Variants in DNAJC10 observed in about 807,000 individuals in gnomAD.
The protein encoded by DNAJC10 is endoplasmic reticulum disulfide reductase DNAJC10.
A neutral mutation model predicts 115.0 loss-of-function variants in DNAJC10; 101 were observed. The observed-to-expected ratio is 0.88, with a 90% CI of 0.75 to 1.04. DNAJC10 has a LOEUF of 1.04. Ranked by LOEUF, DNAJC10 falls within the 50% of genes least tolerant of loss-of-function variation. DNAJC10 has a pLI of 0.00. For synonymous variants in DNAJC10, 307 were observed against 301.5 expected (o/e 1.02, Z -0.19); for missense variants, 981 against 928.8 (o/e 1.06, Z -0.73).
rs1362092621 is a variant in DNAJC10 at position 182,782,399 on chromosome 2, G to A, written c.*5267G>A. ...GCTTAGGATTGCCTTGGCTATATGG[G>A]CTCTTTTTTTTTTGGTTCCATATGA... On this transcript the variant is annotated 3_prime_UTR_variant, in exon 24 of 24. Transcript: ENST00000264065. 6.6e-6 allele frequency: 1 copy of A among 151,652 alleles called. No individual in the cohort carries two copies. The highest frequency in any genetic ancestry group is 1.5e-5 in the Non-Finnish European group (1 of 67,978). The allele number at this position is 151,652 out of a possible 1,614,324, so 9.4% of individuals were successfully genotyped here. A position where few individuals can be genotyped will look rare whatever the true frequency, so the allele number is the denominator to read the frequency against.
chr2:182,718,936 T>C (rs1693071968), intron 3 of DNAJC10, among the ~76,000 whole-genome samples: 2 of 152,188 alleles, frequency 1.3e-5, no homozygotes, highest in African/African-American at 4.8e-5. Context: ...GACATAGTTA[T>C]AATTTTCTCT....
chr2:182,745,697 T>A lies in DNAJC10; in HGVS notation c.1306+1985T>A, dbSNP rs181174897. Among the ~76,000 whole-genome samples the A allele has an allele frequency of 7.3e-3, 1,118 of 152,180 alleles. 6 individuals are homozygous for A. The highest frequency in any genetic ancestry group is 0.032 in the South Asian group (154 of 4,820). On this transcript the variant is annotated intron_variant, in intron 14 of 23. Coordinates refer to ENST00000264065, the MANE Select transcript of DNAJC10 (RefSeq NM_018981.4). ...AAGTAAACTAACAAATTTTTATTTT[T>A]TTTTTTTATGGACAAGTTTTTTTTT...
chr2:182,762,170 AAGAG>A (rs369640149), intron 21 of DNAJC10, among the ~76,000 whole-genome samples: 12 of 149,164 alleles, frequency 8.0e-5, no homozygotes, highest in South Asian at 6.3e-4. Context: ...AAAAAAAAAA[AAGAG>A]AGAGAGCGTG....
chr2:182,788,413 C>G lies in DNAJC10; in HGVS notation c.*11281C>G, dbSNP rs1354388548. The G allele has an allele frequency of 4.6e-6, 1 of 215,078 alleles. No homozygotes were observed. Among genetic ancestry groups the G allele is most frequent in the African/African-American group, 2.4e-5 (1 of 42,134 alleles). 13.3% of individuals were successfully genotyped at this position (215,078 alleles called of 1,614,324 possible). A position where few individuals can be genotyped will look rare whatever the true frequency, so the allele number is the denominator to read the frequency against. On this transcript the variant is annotated 3_prime_UTR_variant, in exon 24 of 24. Transcript: ENST00000264065. Reference sequence around the variant, plus strand: ...ACTTTGGTTACCTATGTACCTGTTACCACTTGCAGAAATCAACAGACAAGG... The same window carrying G: ...ACTTTGGTTACCTATGTACCTGTTAGCACTTGCAGAAATCAACAGACAAGG...
At chr2:182,748,479 A>G (rs1184358456) in intron 14 of DNAJC10, among the ~76,000 whole-genome samples, 1 of 152,208 alleles carries the variant, frequency 6.6e-6, no homozygotes, top group Non-Finnish European at 1.5e-5. Flanking sequence ...GAGTCGAGGA[A>G]CTTATCCATT....
chr2:182,768,005 GC>G (rs1431956051), intron 22 of DNAJC10, among the ~76,000 whole-genome samples: 1 of 152,010 alleles, frequency 6.6e-6, no homozygotes, highest in East Asian at 1.9e-4. Context: ...GTTGCCGTGT[GC>G]CCCCCACATT....
chr2:182,719,758 T>C (rs1457057446), intron 3 of DNAJC10, among the ~76,000 whole-genome samples: 1 of 151,520 alleles, frequency 6.6e-6, no homozygotes, highest in African/African-American at 2.4e-5. Context: ...ATAACGTCTG[T>C]CAACCTTTTG....
intron 21 of DNAJC10, among the ~76,000 whole-genome samples, chr2:182,760,000 G>A (rs1469153613): frequency 1.3e-5 from 2 of 152,058 alleles, no homozygotes; most frequent in Non-Finnish European, 2.9e-5. Flanking sequence ...TGCTGCCCTG[G>A]TGATCTTCTA....
At chr2:182,718,912 A>C (rs1019108643) in intron 3 of DNAJC10, among the ~76,000 whole-genome samples, 7 of 152,158 alleles carry the variant, frequency 4.6e-5, no homozygotes, top group African/African-American at 1.7e-4. Flanking sequence ...TTTAGCGTTC[A>C]TCATTAACAA....
chr2:182,791,098 AC>A lies in DNAJC10; in HGVS notation c.*13967del, dbSNP rs1168221748. 1 of 152,116 alleles carries A rather than the reference AC, an allele frequency of 6.6e-6. No individual in the cohort carries two copies. The highest frequency in any genetic ancestry group is 1.5e-5 in the Non-Finnish European group (1 of 68,022). 9.4% of individuals were successfully genotyped at this position (152,116 alleles called of 1,614,324 possible). A position where few individuals can be genotyped will look rare whatever the true frequency, so the allele number is the denominator to read the frequency against. On this transcript the variant is annotated 3_prime_UTR_variant, in exon 24 of 24. Coordinates refer to ENST00000264065, the MANE Select transcript of DNAJC10 (RefSeq NM_018981.4). ...ATAAATTTAGTGGATAAATACCCCC[AC>A]AGAGATCGACCCTGCATGAAATGTG...
chr2:182,790,874 T>C lies in DNAJC10; in HGVS notation c.*13742T>C, dbSNP rs1477752305. On this transcript the variant is annotated 3_prime_UTR_variant, in exon 24 of 24. Coordinates refer to ENST00000264065, the MANE Select transcript of DNAJC10 (RefSeq NM_018981.4). ...AACCTTACTTATCAGTTACATTGCC[T>C]ACTAAGCTGACTTATTTTCTGACTT... The C allele has an allele frequency of 6.6e-6, 1 of 152,138 alleles. No homozygotes were observed. Among genetic ancestry groups the C allele is most frequent in the African/African-American group, 2.4e-5 (1 of 41,440 alleles). The allele number at this position is 152,138 out of a possible 1,614,324, so 9.4% of individuals were successfully genotyped here.
chr2:182,775,918 G>A (rs1241562735), intron 23 of DNAJC10, among the ~76,000 whole-genome samples: 2 of 152,140 alleles, frequency 1.3e-5, no homozygotes, highest in Non-Finnish European at 2.9e-5. Context: ...GGGACAGAAC[G>A]TAGGTTAATG....
intron 3 of DNAJC10, among the ~76,000 whole-genome samples, chr2:182,719,469 G>T (rs532546980): frequency 6.6e-6 from 1 of 151,608 alleles, no homozygotes; most frequent in South Asian, 2.1e-4. Context: ...TGGCCAGGCT[G>T]GTCTCGATCT....
rs1694916962 is a variant in DNAJC10 at position 182,784,763 on chromosome 2, C to G, written c.*7631C>G. 1 of 152,126 alleles carries G rather than the reference C, an allele frequency of 6.6e-6. No individual in the cohort carries two copies. Among genetic ancestry groups the G allele is most frequent in the African/African-American group, 2.4e-5 (1 of 41,438 alleles). The allele number at this position is 152,126 out of a possible 1,614,324, so 9.4% of individuals were successfully genotyped here. On this transcript the variant is annotated 3_prime_UTR_variant, in exon 24 of 24. Transcript: ENST00000264065. ...GTAGCTCTACCTGCTAAAGTAGCAC[C>G]TATTCTTTTGAAAGGAACTTTCTCA...
rs1001015818 is a variant in DNAJC10, at chr2:182,762,857, G to A, written c.2265+56G>A. ...TTAGTAGGCCAAGCTCAAAAGATGT[G>A]TTTCAGTCTGAGTAATGTTTTTTTT... On this transcript the variant is annotated intron_variant, in intron 22 of 23. Coordinates refer to ENST00000264065, the MANE Select transcript of DNAJC10 (RefSeq NM_018981.4). 1.9e-6 allele frequency: 3 copies of A among 1,546,036 alleles called. No individual in the cohort carries two copies. In the Admixed American group the frequency reaches 5.7e-5, roughly 30 times the overall value.
rs1430879953 is a variant in DNAJC10 at position 182,752,131 on chromosome 2, T to C, written c.1494T>C (p.Tyr498=). The C allele has an allele frequency of 6.2e-7, 1 of 1,613,794 alleles. No individual in the cohort carries two copies. Among genetic ancestry groups the C allele is most frequent in the African/African-American group, 1.3e-5 (1 of 74,912 alleles). The change falls in exon 16 of 24, where the codon TAT becomes TAC. Residue 498 remains tyrosine, a synonymous_variant. Transcript: ENST00000264065. Reference sequence around the variant, plus strand: ...TACGAAGAGCATCAAATCTTCTTTATGGTCAGCTTAAGTTTGGTACACTAG... The same window carrying C: ...TACGAAGAGCATCAAATCTTCTTTACGGTCAGCTTAAGTTTGGTACACTAG... ...PELRRASNLL[Y]GQLKFGTLDC... is the part of the protein sequence containing the mutation.
intron 22 of DNAJC10, among the ~76,000 whole-genome samples, chr2:182,772,858 A>C (rs1227362064): frequency 6.6e-6 from 1 of 152,066 alleles, no homozygotes; most frequent in Non-Finnish European, 1.5e-5. Flanking sequence ...TAATATTGTT[A>C]TGTGTGAATT....
chr2:182,762,607 A>C, intron 21 of DNAJC10, 75 bp from the exon 22 acceptor site: 1 of 1,439,714 alleles, frequency 6.9e-7, no homozygotes, highest in South Asian at 1.2e-5. Flanking sequence ...AAAATGTTTT[A>C]TATCCTATTG....
At position 182,755,035 on chromosome 2, in the gene DNAJC10, A is replaced by G; in HGVS notation, c.1584A>G (p.Val528=). The change falls in exon 17 of 24, where the codon GTA becomes GTG. Residue 528 remains valine, a synonymous_variant. Coordinates refer to ENST00000264065, the MANE Select transcript of DNAJC10 (RefSeq NM_018981.4). ...YNIQAYPTTV[V]FNQSNIHEYE... ...TTCAGGCTTATCCAACAACAGTGGT[A>G]TTCAACCAGTCCAACATTCATGAGT... The G allele has an allele frequency of 6.2e-7, 1 of 1,608,396 alleles. No individual in the cohort carries two copies. Among genetic ancestry groups the G allele is most frequent in the Non-Finnish European group, 8.5e-7 (1 of 1,174,958 alleles).
Sources: gnomAD v4.1 joint callset for allele counts (sites outside exome capture counted in the v4.1 genomes callset) on GRCh38, gnomAD v4.1.1 for gene constraint, MANE v1.5 for transcripts, NCBI Gene and HGNC (gene_info 2026-07-23, HGNC 2026-07-21) for gene names.